MNAT1: variants seen among roughly 807,000 people sequenced by gnomAD.
MNAT1 encodes the protein CDK-activating kinase assembly factor MAT1.
A neutral mutation model predicts 42.0 loss-of-function variants in MNAT1; 43 were observed. That is an observed-to-expected ratio of 1.02 (90% confidence interval 0.80 to 1.32). The LOEUF (loss-of-function observed/expected upper bound fraction) is 1.32, where lower values mean the gene tolerates loss of function less well. Ranked by LOEUF, MNAT1 falls within the 40% of genes most tolerant of loss-of-function variation. The pLI, the probability that MNAT1 is intolerant of heterozygous loss-of-function variation, is 0.00. For missense variants in MNAT1, 306 were observed against 350.4 expected (o/e 0.87, Z 1.01); for synonymous variants, 118 against 120.0 (o/e 0.98, Z 0.11).
chr14:60,953,920 T>A (rs2036431249), intron 7 of MNAT1, among the ~76,000 whole-genome samples: 1 of 152,302 alleles, frequency 6.6e-6, no homozygotes, highest in South Asian at 2.1e-4. Context: ...CATTTGTATG[T>A]CTTCCTTTGA....
intron 7 of MNAT1, among the ~76,000 whole-genome samples, chr14:60,923,009 G>A (rs1334506991): frequency 6.6e-6 from 1 of 152,164 alleles, no homozygotes; most frequent in Non-Finnish European, 1.5e-5. Flanking sequence ...CTAGGGCTCA[G>A]TAGATACATT....
chr14:60,961,579 CTT>C (rs778863250), intron 7 of MNAT1, among the ~76,000 whole-genome samples: 14 of 152,250 alleles, frequency 9.2e-5, no homozygotes, highest in Admixed American at 5.2e-4. Context: ...GTTGGCTTCT[CTT>C]TTTATCCACA....
chr14:60,912,077 G>T (rs1295195433), intron 7 of MNAT1, among the ~76,000 whole-genome samples: 1 of 151,676 alleles, frequency 6.6e-6, no homozygotes, highest in Non-Finnish European at 1.5e-5. Context: ...ATTATGTAAT[G>T]GCCTTCTTTG....
At chr14:60,962,231 GACAA>G (rs2036606651) in intron 7 of MNAT1, among the ~76,000 whole-genome samples, 1 of 152,116 alleles carries the variant, frequency 6.6e-6, no homozygotes, top group Non-Finnish European at 1.5e-5. Context: ...ACTGAAATTA[GACAA>G]ACATTGTATT....
At chr14:60,842,052 C>T (rs1594794979) in intron 6 of MNAT1, among the ~76,000 whole-genome samples, 1 of 152,350 alleles carries the variant, frequency 6.6e-6, no homozygotes, top group African/African-American at 2.4e-5. Flanking sequence ...GTGAAATTCT[C>T]TAGAGCAGAG....
intron 7 of MNAT1, among the ~76,000 whole-genome samples, chr14:60,915,089 G>C (rs954127639): frequency 4.6e-5 from 7 of 152,104 alleles, no homozygotes; most frequent in African/African-American, 1.7e-4. Context: ...AATTTTTAAT[G>C]CAGATTGCTG....
At chr14:60,775,771 C>G (rs1351574375) in intron 1 of MNAT1, among the ~76,000 whole-genome samples, 1 of 151,998 alleles carries the variant, frequency 6.6e-6, no homozygotes. Flanking sequence ...TTATTTTTGT[C>G]TCTATAGTAT....
At chr14:60,886,390 C>T (rs1345906488) in intron 7 of MNAT1, among the ~76,000 whole-genome samples, 1 of 151,706 alleles carries the variant, frequency 6.6e-6, no homozygotes, top group Non-Finnish European at 1.5e-5. Flanking sequence ...GATTTGTTGC[C>T]GTTTATTTAT....
intron 6 of MNAT1, among the ~76,000 whole-genome samples, chr14:60,827,809 T>C (rs2033097374): frequency 6.6e-6 from 1 of 152,206 alleles, no homozygotes; most frequent in African/African-American, 2.4e-5. Flanking sequence ...TTATGGCATA[T>C]AATTAACTAG....
intron 7 of MNAT1, among the ~76,000 whole-genome samples, chr14:60,921,214 G>A (rs1257522879): frequency 6.6e-6 from 1 of 152,138 alleles, no homozygotes; most frequent in Admixed American, 6.6e-5. Flanking sequence ...ATTTAAATTT[G>A]AAGGAGAATT....
chr14:60,884,072 T>G (rs569896741), intron 7 of MNAT1, among the ~76,000 whole-genome samples: 1 of 152,156 alleles, frequency 6.6e-6, no homozygotes, highest in African/African-American at 2.4e-5. Flanking sequence ...TTCTCCTGTC[T>G]GATTGCTCTA....
chr14:60,812,697 T>C (rs2032589684), intron 5 of MNAT1, among the ~76,000 whole-genome samples: 1 of 152,188 alleles, frequency 6.6e-6, no homozygotes, highest in Non-Finnish European at 1.5e-5. Flanking sequence ...CTTTTTTGCT[T>C]ACTCATAAGC....
intron 1 of MNAT1, among the ~76,000 whole-genome samples, chr14:60,748,436 G>T (rs534776197): frequency 6.6e-6 from 1 of 152,238 alleles, no homozygotes; most frequent in Admixed American, 6.5e-5. Flanking sequence ...TCATTATGTT[G>T]CCCAGGCTGG....
Position 60,812,042 on chromosome 14 carries a change from A to G in MNAT1, c.476A>G (p.Glu159Gly), listed in dbSNP as rs777148183. 2 of 1,606,334 alleles carry G rather than the reference A, an allele frequency of 1.2e-6. No individual in the cohort carries two copies. The highest frequency in any genetic ancestry group is 2.7e-5 in the African/African-American group (2 of 74,434). ...EALEVERQENEQRRLFIQKEE... is the reference protein window; with the variant it reads ...EALEVERQENGQRRLFIQKEE... ...TTAGAAGTGGAACGACAGGAAAATG[A>G]ACAAAGAAGATTATTTATACAAAAA... Residue 159 changes from glutamate to glycine, a missense_variant, in exon 5 of 8, where the codon GAA becomes GGA. Glu to Gly is a moderately conservative substitution (Grantham distance 98). Transcript: ENST00000261245.
At chr14:60,936,134 G>C (rs1296225898) in intron 7 of MNAT1, among the ~76,000 whole-genome samples, 1 of 152,122 alleles carries the variant, frequency 6.6e-6, no homozygotes, top group East Asian at 1.9e-4. Flanking sequence ...GCTCAGACAA[G>C]GTCATGGGCA....
chr14:60,905,886 C>T (rs558956847), intron 7 of MNAT1, among the ~76,000 whole-genome samples: 6 of 152,216 alleles, frequency 3.9e-5, no homozygotes, highest in African/African-American at 7.2e-5. Context: ...CCTTCACAGA[C>T]GCACCCAGAA....
chr14:60,830,726 T>C (rs2033188918), intron 6 of MNAT1, among the ~76,000 whole-genome samples: 1 of 152,120 alleles, frequency 6.6e-6, no homozygotes, highest in South Asian at 2.1e-4. Flanking sequence ...TTTTCTTTGG[T>C]TGATCATTTT....
intron 7 of MNAT1, among the ~76,000 whole-genome samples, chr14:60,911,839 G>T (rs959794560): frequency 2.6e-5 from 4 of 151,858 alleles, no homozygotes; most frequent in Non-Finnish European, 4.4e-5. Flanking sequence ...TATTAGGTCC[G>T]CTTGGTGCAG....
At chr14:60,935,458 T>C (rs1293512174) in intron 7 of MNAT1, among the ~76,000 whole-genome samples, 1 of 152,188 alleles carries the variant, frequency 6.6e-6, no homozygotes, top group African/African-American at 2.4e-5. Flanking sequence ...TACTGTTGCT[T>C]ATTCATTTTC....
Sources: allele counts gnomAD v4.1 joint callset (sites outside exome capture counted in the v4.1 genomes callset), GRCh38; gene constraint gnomAD v4.1.1; transcripts MANE v1.5; gene names NCBI Gene and HGNC (gene_info 2026-07-23, HGNC 2026-07-21).